The following SLC22A3 variants were observed in gnomAD, a reference collection of about 807,000 sequenced individuals.
SLC22A3 encodes solute carrier family 22 member 3.
SLC22A3 carries 51 observed loss-of-function variants against 59.1 expected under a neutral mutation model. That is an observed-to-expected ratio of 0.86 (90% CI 0.69 to 1.09). The LOEUF is 1.09. Ranked by LOEUF, SLC22A3 falls within the 50% of genes least tolerant of loss-of-function variation. The probability of loss-of-function intolerance (pLI) is 0.00; values close to 1 mark genes in which losing one functional copy is unlikely to be tolerated. For missense variants in SLC22A3, 711 were observed against 726.3 expected, an observed-to-expected ratio of 0.98 and a Z score of 0.24; for synonymous variants, 325 against 292.0, an observed-to-expected ratio of 1.11 and a Z score of -1.15.
Position 160,451,095 on chromosome 6 carries a change from G to T in SLC22A3, c.*39G>T. 1.3e-6 allele frequency: 2 copies of T among 1,561,454 alleles called. No homozygotes were observed. Among genetic ancestry groups the T allele is most frequent in the Admixed American group, 1.7e-5 (1 of 57,192 alleles). On this transcript the variant is annotated 3_prime_UTR_variant, in exon 11 of 11. Transcript: ENST00000275300. ...GACAGAAAGAAGGAGCTATCCAGGA[G>T]CTGATCCTCCTTGCAAAGCTGTGCC...
At chr6:160,406,902 C>G (rs1488633771) in intron 2 of SLC22A3, 139 bp from the exon 3 acceptor site, 2 of 1,030,394 alleles carry the variant, frequency 1.9e-6, no homozygotes, top group Admixed American at 3.2e-5. Context: ...GACACCCTGT[C>G]TCTACAAAAC....
At chr6:160,427,698 T>C (rs1010586641) in intron 5 of SLC22A3, among the ~76,000 whole-genome samples, 2 of 152,226 alleles carry the variant, frequency 1.3e-5, no homozygotes, top group Admixed American at 6.5e-5. Flanking sequence ...TTTTGATTTT[T>C]ACTTGTGATA....
intron 5 of SLC22A3, among the ~76,000 whole-genome samples, chr6:160,426,513 C>T (rs1030494237): frequency 3.9e-5 from 6 of 152,128 alleles, no homozygotes; most frequent in African/African-American, 1.4e-4. Flanking sequence ...TATATGTTTG[C>T]TATTAATGTG....
chr6:160,366,842 C>A (rs1233004672), intron 1 of SLC22A3, among the ~76,000 whole-genome samples: 2 of 152,176 alleles, frequency 1.3e-5, no homozygotes, highest in Non-Finnish European at 2.9e-5. Flanking sequence ...CCACTATCAG[C>A]ATTTTGGTCA....
chr6:160,373,701 C>T (rs1785483258), intron 1 of SLC22A3, among the ~76,000 whole-genome samples: 1 of 152,180 alleles, frequency 6.6e-6, no homozygotes, highest in South Asian at 2.1e-4. Flanking sequence ...CAGAGAGGCC[C>T]TGCCCAGAGA....
intron 2 of SLC22A3, among the ~76,000 whole-genome samples, chr6:160,406,469 A>C (rs1260277999): frequency 1.3e-5 from 2 of 152,220 alleles, no homozygotes; most frequent in East Asian, 3.8e-4. Flanking sequence ...ATAAAATACA[A>C]AATTTAAGAA....
At chr6:160,410,997 C>T (rs1787227375) in intron 5 of SLC22A3, 151 bp downstream of exon 5, 2 of 429,300 alleles carry the variant, frequency 4.7e-6, no homozygotes, top group Non-Finnish European at 8.4e-6. Context: ...TATACACACA[C>T]ACACACACTA....
At chr6:160,351,340 C>T (rs1784653639) in intron 1 of SLC22A3, among the ~76,000 whole-genome samples, 1 of 152,200 alleles carries the variant, frequency 6.6e-6, no homozygotes, top group Non-Finnish European at 1.5e-5. Flanking sequence ...TGGTCTCGAT[C>T]TCCTGACCTC....
At chr6:160,394,489 C>G (rs1275871343) in intron 1 of SLC22A3, among the ~76,000 whole-genome samples, 1 of 152,212 alleles carries the variant, frequency 6.6e-6, no homozygotes, top group African/African-American at 2.4e-5. Context: ...CCCCCTGACT[C>G]TATGAGCAAG....
At chr6:160,411,677 G>A (rs1250194998) in intron 5 of SLC22A3, among the ~76,000 whole-genome samples, 1 of 152,154 alleles carries the variant, frequency 6.6e-6, no homozygotes, top group Admixed American at 6.6e-5. Context: ...AGGACTTTGA[G>A]ACTGCAGTGA....
At chr6:160,428,395 C>T (rs1445368442) in intron 5 of SLC22A3, among the ~76,000 whole-genome samples, 3 of 152,190 alleles carry the variant, frequency 2.0e-5, no homozygotes, top group Non-Finnish European at 4.4e-5. Flanking sequence ...TGACCAGACT[C>T]GCTCAGTGCA....
At chr6:160,370,380 T>C (rs1468027106) in intron 1 of SLC22A3, among the ~76,000 whole-genome samples, 4 of 152,346 alleles carry the variant, frequency 2.6e-5, no homozygotes, top group African/African-American at 9.6e-5. Flanking sequence ...AGTCCAAACA[T>C]GTGTGGGCAC....
chr6:160,350,859 C>T (rs757258376), intron 1 of SLC22A3, among the ~76,000 whole-genome samples: 40 of 152,218 alleles, frequency 2.6e-4, no homozygotes, highest in Non-Finnish European at 5.6e-4. Context: ...GGGGCTGGCT[C>T]GGTCTCCAGC....
At chr6:160,386,628 G>T (rs902971121) in intron 1 of SLC22A3, among the ~76,000 whole-genome samples, 38 of 152,328 alleles carry the variant, frequency 2.5e-4, no homozygotes, top group Non-Finnish European at 4.4e-4. Context: ...GTGGACACAT[G>T]TGGGTCCCCA....
chr6:160,444,442 A>T (rs551647683), intron 9 of SLC22A3, among the ~76,000 whole-genome samples: 4 of 152,312 alleles, frequency 2.6e-5, no homozygotes, highest in South Asian at 4.1e-4. Context: ...TCATATCTTC[A>T]TTGGCCCGAT....
At chr6:160,441,965 T>C (rs947766702) in intron 7 of SLC22A3, among the ~76,000 whole-genome samples, 1 of 152,192 alleles carries the variant, frequency 6.6e-6, no homozygotes, top group African/African-American at 2.4e-5. Context: ...AGAGTAAAAA[T>C]GGTTAACTCC....
chr6:160,375,834 G>C (rs777095155), intron 1 of SLC22A3, among the ~76,000 whole-genome samples: 1 of 152,028 alleles, frequency 6.6e-6, no homozygotes, highest in Non-Finnish European at 1.5e-5. Context: ...CTGTTCTCGG[G>C]GTTGAGAGGT....
chr6:160,409,114 G>A (rs1787145157), intron 4 of SLC22A3, among the ~76,000 whole-genome samples, 193 bp downstream of exon 4: 1 of 124,892 alleles, frequency 8.0e-6, no homozygotes, highest in African/African-American at 3.2e-5. Flanking sequence ...CTGGTGCGCT[G>A]CACCCACTAA....
chr6:160,441,344 A>G (rs936309045), intron 7 of SLC22A3, among the ~76,000 whole-genome samples: 1 of 152,078 alleles, frequency 6.6e-6, no homozygotes, highest in African/African-American at 2.4e-5. Context: ...TAAATAACAC[A>G]TGTTGACAAA....
Sources: gnomAD v4.1 joint callset for allele counts (sites outside exome capture counted in the v4.1 genomes callset) on GRCh38, gnomAD v4.1.1 for gene constraint, MANE v1.5 for transcripts, NCBI Gene and HGNC (gene_info 2026-07-23, HGNC 2026-07-21) for gene names.